KIAA1217: variants seen among roughly 807,000 people sequenced by gnomAD.
KIAA1217 encodes the protein KIAA1217, also known as sickle tail protein homolog.
Under a neutral mutation model 163.9 loss-of-function variants are expected in KIAA1217, and 88 were observed. The ratio of observed to expected loss-of-function variants is 0.54; its 90% CI spans 0.45 to 0.64. The LOEUF (loss-of-function observed/expected upper bound fraction) is 0.64. KIAA1217 is among the 30% of genes least tolerant of loss of function. The pLI, the probability that KIAA1217 is intolerant of heterozygous loss-of-function variation, is 0.00. For missense variants in KIAA1217, 2,372 were observed against 2,475.0 expected (o/e 0.96, Z 0.88); for synonymous variants, 903 against 923.1 (o/e 0.98, Z 0.39).
intron 1 of KIAA1217, among the ~76,000 whole-genome samples, chr10:23,775,567 G>A (rs932919433): frequency 2.5e-4 from 38 of 152,154 alleles, no homozygotes; most frequent in South Asian, 2.5e-3. Context: ...AGTCACACAC[G>A]TCTGTTGTAG....
chr10:24,101,187 T>G (rs1441249904), intron 2 of KIAA1217, among the ~76,000 whole-genome samples: 1 of 152,202 alleles, frequency 6.6e-6, no homozygotes, highest in Non-Finnish European at 1.5e-5. Flanking sequence ...CATGGCTTGA[T>G]GAAGAAAAGC....
intron 1 of KIAA1217, among the ~76,000 whole-genome samples, chr10:23,850,909 G>A (rs951997660): frequency 5.9e-5 from 9 of 151,960 alleles, no homozygotes; most frequent in East Asian, 5.8e-4. Flanking sequence ...AAACAACCAC[G>A]TCTCGTGAGA....
chr10:23,984,338 C>G (rs948276668), intron 1 of KIAA1217, among the ~76,000 whole-genome samples: 1 of 152,220 alleles, frequency 6.6e-6, no homozygotes, highest in African/African-American at 2.4e-5. Flanking sequence ...CAGTCACAGT[C>G]TCTTTCATTT....
chr10:24,335,599 T>TATTTATTA (rs1467535575), intron 2 of KIAA1217, among the ~76,000 whole-genome samples: 2 of 144,210 alleles, frequency 1.4e-5, no homozygotes, highest in Non-Finnish European at 3.0e-5. Flanking sequence ...TTTATTTATT[T>TATTTATTA]ATTTATTTAT....
At chr10:24,333,092 G>T (rs1471633095) in intron 2 of KIAA1217, among the ~76,000 whole-genome samples, 3 of 152,092 alleles carry the variant, frequency 2.0e-5, no homozygotes, top group South Asian at 2.1e-4. Flanking sequence ...TGTGATCTCG[G>T]CTCACTGCAA....
chr10:24,166,947 A>G, intron 2 of KIAA1217, among the ~76,000 whole-genome samples: 1 of 152,198 alleles, frequency 6.6e-6, no homozygotes, highest in Non-Finnish European at 1.5e-5. Context: ...ATCAGAAGAA[A>G]CACATTTCAG....
chr10:23,886,062 G>T (rs1564506774), intron 1 of KIAA1217, among the ~76,000 whole-genome samples: 1 of 151,852 alleles, frequency 6.6e-6, no homozygotes. Context: ...TCAGCTCTGG[G>T]TGTGATTGTG....
At chr10:24,222,729 C>G (rs1328048677) in intron 2 of KIAA1217, among the ~76,000 whole-genome samples, 1 of 152,058 alleles carries the variant, frequency 6.6e-6, no homozygotes, top group African/African-American at 2.4e-5. Context: ...AGGCTGGTCT[C>G]GAACTCCTGA....
At chr10:24,167,261 T>C (rs182559808) in intron 2 of KIAA1217, among the ~76,000 whole-genome samples, 59 of 141,708 alleles carry the variant, frequency 4.2e-4, no homozygotes, top group African/African-American at 1.5e-3. Flanking sequence ...TTAGAAATAT[T>C]AGAAAGGTTT....
chr10:23,943,422 A>G (rs1276991076), intron 1 of KIAA1217, among the ~76,000 whole-genome samples: 5 of 152,220 alleles, frequency 3.3e-5, no homozygotes, highest in Admixed American at 2.6e-4. Flanking sequence ...AAAAGATGTG[A>G]ATACATGTAC....
chr10:24,125,431 A>G (rs2063437601), intron 2 of KIAA1217, among the ~76,000 whole-genome samples: 1 of 151,248 alleles, frequency 6.6e-6, no homozygotes, highest in South Asian at 2.1e-4. Flanking sequence ...ATTGCTTCTC[A>G]TGTAATTGTA....
At chr10:24,431,090 G>A (rs758668732) in intron 3 of KIAA1217, among the ~76,000 whole-genome samples, 4 of 152,164 alleles carry the variant, frequency 2.6e-5, no homozygotes, top group African/African-American at 4.8e-5. Flanking sequence ...GCTTGCTCTT[G>A]TCTACTGTTA....
intron 2 of KIAA1217, among the ~76,000 whole-genome samples, chr10:24,314,054 G>T (rs146063220): frequency 0.014 from 2,134 of 151,846 alleles, 47 homozygotes; most frequent in East Asian, 0.1. Flanking sequence ...TGGTCAGGTT[G>T]GTCTTGAACT....
At chr10:24,061,246 C>T (rs937827308) in intron 2 of KIAA1217, among the ~76,000 whole-genome samples, 1 of 152,126 alleles carries the variant, frequency 6.6e-6, no homozygotes, top group Non-Finnish European at 1.5e-5. Context: ...CTGATAGCAA[C>T]CTTACTTCAA....
intron 2 of KIAA1217, among the ~76,000 whole-genome samples, chr10:24,321,121 A>G (rs1327171573): frequency 5.3e-5 from 8 of 152,150 alleles, no homozygotes; most frequent in Non-Finnish European, 1.0e-4. Flanking sequence ...TTCCTCAGAA[A>G]AAAATAAAAA....
At chr10:23,733,100 A>G (rs1838568090) in intron 1 of KIAA1217, among the ~76,000 whole-genome samples, 1 of 151,426 alleles carries the variant, frequency 6.6e-6, no homozygotes, top group Admixed American at 6.6e-5. Context: ...AGCACCATTC[A>G]CCTCCCAGGT....
At chr10:24,016,167 C>T (rs1414035178) in intron 2 of KIAA1217, among the ~76,000 whole-genome samples, 1 of 152,096 alleles carries the variant, frequency 6.6e-6, no homozygotes, top group African/African-American at 2.4e-5. Context: ...GTGATGGTCT[C>T]CTCTAGGCTG....
intron 2 of KIAA1217, among the ~76,000 whole-genome samples, chr10:24,062,977 C>T (rs919246952): frequency 0.015 from 2,264 of 151,534 alleles, 42 homozygotes; most frequent in African/African-American, 0.051. Context: ...GCCCACTTTT[C>T]GATGGGGTTG....
intron 1 of KIAA1217, among the ~76,000 whole-genome samples, chr10:23,802,583 T>G (rs1324688034): frequency 6.6e-6 from 1 of 152,224 alleles, no homozygotes; most frequent in African/African-American, 2.4e-5. Flanking sequence ...AGGGTTTTGA[T>G]TTTAGAATAG....
Sources: allele counts gnomAD v4.1 joint callset (sites outside exome capture counted in the v4.1 genomes callset), GRCh38; gene constraint gnomAD v4.1.1; transcripts MANE v1.5; gene names NCBI Gene and HGNC (gene_info 2026-07-23, HGNC 2026-07-21).